Variants in ADAT1 observed in about 807,000 individuals in gnomAD.
ADAT1 encodes adenosine deaminase tRNA specific 1.
Under a neutral mutation model 58.6 loss-of-function variants are expected in ADAT1, and 58 were observed. The observed-to-expected ratio is 0.99, with a 90% CI of 0.80 to 1.23. ADAT1 has a LOEUF of 1.23. Among genes scored for constraint, ADAT1 ranks in the 50% most tolerant of loss-of-function variants. The pLI, the probability that ADAT1 is intolerant of heterozygous loss-of-function variation, is 0.00. For synonymous variants in ADAT1, 254 were observed against 220.8 expected, an observed-to-expected ratio of 1.15 and a Z score of -1.33; for missense variants, 741 against 608.6, an observed-to-expected ratio of 1.22 and a Z score of -2.29.
chr16:75,598,200 CT>C lies in ADAT1; in HGVS notation c.*2015del. 1 of 291,666 alleles carries C rather than the reference CT, an allele frequency of 3.4e-6. No individual in the cohort carries two copies. The highest frequency in any genetic ancestry group is 6.9e-6 in the Non-Finnish European group (1 of 145,690). 18.1% of individuals were successfully genotyped at this position (291,666 alleles called of 1,614,324 possible). On this transcript the variant is annotated 3_prime_UTR_variant, in exon 10 of 10. Transcript: ENST00000564657. ...TGAGAGATTCTTCTGCCTCAGCCTCCTGAGTAGTTGGGACTATAGGCGTGCG... is the reference window on the plus strand; with the variant it reads ...TGAGAGATTCTTCTGCCTCAGCCTCCGAGTAGTTGGGACTATAGGCGTGCG...
intron 5 of ADAT1, among the ~76,000 whole-genome samples, 178 bp from the exon 6 acceptor site, chr16:75,613,039 T>G (rs2081598320): frequency 1.3e-5 from 2 of 152,142 alleles, no homozygotes; most frequent in Admixed American, 1.3e-4. Flanking sequence ...GCTCTCCAGG[T>G]GATTCTGATG....
chr16:75,599,408 T>C lies in ADAT1; in HGVS notation c.*808A>G. The C allele has an allele frequency of 9.1e-6, 9 of 985,764 alleles. No individual in the cohort carries two copies. The highest frequency in any genetic ancestry group is 1.1e-5 in the Non-Finnish European group (9 of 829,928). 61.1% of individuals were successfully genotyped at this position (985,764 alleles called of 1,614,324 possible). A position where few individuals can be genotyped will look rare whatever the true frequency, so the allele number is the denominator to read the frequency against. On this transcript the variant is annotated 3_prime_UTR_variant, in exon 10 of 10. Transcript: ENST00000564657. ...CCTTTTGGCTTTTTGGACAGAACTC[T>C]TTCAATTGTAAGTCAGAAAACCAAC...
rs1597117265 is a variant in ADAT1 at position 75,612,155 on chromosome 16, G to T, written c.1043+88C>A. 5 of 1,399,922 alleles carry T rather than the reference G, an allele frequency of 3.6e-6. No individual in the cohort carries two copies. The East Asian group carries it at 9.3e-5, about 26-fold the overall frequency. The allele number at this position is 1,399,922 out of a possible 1,614,324, so 86.7% of individuals were successfully genotyped here. ...TGGAAGTGGAACTGCTGGATCAAAA[G>T]GTATGGAGATTCTTAATGCTCTTAG... On this transcript the variant is annotated intron_variant, in intron 6 of 9. Coordinates refer to ENST00000564657, the MANE Select transcript of ADAT1 (RefSeq NM_001324445.2).
chr16:75,602,387 TA>T (rs756385803), intron 9 of ADAT1, among the ~76,000 whole-genome samples: 2 of 152,362 alleles, frequency 1.3e-5, no homozygotes, highest in Non-Finnish European at 2.9e-5. Context: ...TTTTGGCTAG[TA>T]CTGATCTGTA....
intron 9 of ADAT1, 28 bp downstream of exon 9, chr16:75,603,057 A>G (rs2081270537): frequency 6.3e-7 from 1 of 1,597,710 alleles, no homozygotes; most frequent in Non-Finnish European, 8.6e-7. Context: ...CTACCTAAAT[A>G]TGAGAAAACA....
chr16:75,617,141 C>G lies in ADAT1; in HGVS notation c.424+1G>C. On this transcript the variant is annotated splice_donor_variant, in intron 5 of 9. Coordinates refer to ENST00000564657, the MANE Select transcript of ADAT1 (RefSeq NM_001324445.2). LOFTEE classifies it high-confidence loss of function. ...TAATCCAAAGGCTTGAATATACTTACAGGGTGTATGGCTGGAGAAAAACAC... is the reference window on the plus strand; with the variant it reads ...TAATCCAAAGGCTTGAATATACTTAGAGGGTGTATGGCTGGAGAAAAACAC... 1 of 1,611,124 alleles carries G rather than the reference C, an allele frequency of 6.2e-7. No homozygotes were observed. Among genetic ancestry groups the G allele is most frequent in the Non-Finnish European group, 8.5e-7 (1 of 1,177,762 alleles).
At chr16:75,616,746 T>C (rs1475526158) in intron 5 of ADAT1, among the ~76,000 whole-genome samples, 3 of 152,242 alleles carry the variant, frequency 2.0e-5, no homozygotes, top group Non-Finnish European at 4.4e-5. Context: ...CAGTATGTCA[T>C]ATCGTGCCTG....
At chr16:75,608,675 G>C (rs2081433891) in intron 7 of ADAT1, among the ~76,000 whole-genome samples, 168 bp downstream of exon 7, 1 of 152,124 alleles carries the variant, frequency 6.6e-6, no homozygotes, top group Non-Finnish European at 1.5e-5. Context: ...AACATGCCGG[G>C]GGTCACAAGA....
intron 5 of ADAT1, among the ~76,000 whole-genome samples, chr16:75,616,939 G>C (rs1473577721): frequency 1.3e-5 from 2 of 152,156 alleles, no homozygotes; most frequent in African/African-American, 2.4e-5. Flanking sequence ...CCTTGCCTCT[G>C]TCTTCTCTTT....
At chr16:75,617,043 C>G (rs543762780) in intron 5 of ADAT1, 99 bp downstream of exon 5, 3 of 1,441,230 alleles carry the variant, frequency 2.1e-6, no homozygotes, top group Non-Finnish European at 2.8e-6. Context: ...GTGGCTACTT[C>G]AGCCATTAGT....
Position 75,600,084 on chromosome 16 carries a change from A to G in ADAT1, c.*132T>C, listed in dbSNP as rs2081183482. The G allele has an allele frequency of 3.3e-6, 5 of 1,519,352 alleles. No individual in the cohort carries two copies. Among genetic ancestry groups the G allele is most frequent in the Admixed American group, 2.1e-5 (1 of 47,108 alleles). 94.1% of individuals were successfully genotyped at this position (1,519,352 alleles called of 1,614,324 possible). A position where few individuals can be genotyped will look rare whatever the true frequency, so the allele number is the denominator to read the frequency against. ...GCTCTAAGTTCCAGATTCCATCTGT[A>G]TTACACAACAGAGATGCAAAGCTCA... On this transcript the variant is annotated 3_prime_UTR_variant, in exon 10 of 10. Coordinates refer to ENST00000564657, the MANE Select transcript of ADAT1 (RefSeq NM_001324445.2).
chr16:75,614,826 G>T (rs2081651340), intron 5 of ADAT1, among the ~76,000 whole-genome samples: 1 of 152,152 alleles, frequency 6.6e-6, no homozygotes, highest in South Asian at 2.1e-4. Context: ...GACAAACCAT[G>T]GGAGGACATC....
At chr16:75,616,933 G>A (rs2081747424) in intron 5 of ADAT1, among the ~76,000 whole-genome samples, 1 of 152,142 alleles carries the variant, frequency 6.6e-6, no homozygotes, top group Admixed American at 6.5e-5. Flanking sequence ...TGCACCCCTT[G>A]CCTCTGTCTT....
intron 3 of ADAT1, 51 bp downstream of exon 3, chr16:75,620,215 T>C (rs1471755192): frequency 3.8e-6 from 6 of 1,580,214 alleles, no homozygotes; most frequent in Non-Finnish European, 5.2e-6. Context: ...GAGTAAAACA[T>C]GGACACTGGT....
At chr16:75,611,146 T>TTTA (rs2081519789) in intron 6 of ADAT1, among the ~76,000 whole-genome samples, 2 of 152,120 alleles carry the variant, frequency 1.3e-5, no homozygotes, top group African/African-American at 2.4e-5. Context: ...CCCAAACTAA[T>TTTA]GTTTAGGGTT....
In ADAT1 at chr16:75,599,417, T is replaced by C. The variant is rs1232628997; in HGVS notation, c.*799A>G. On this transcript the variant is annotated 3_prime_UTR_variant, in exon 10 of 10. Coordinates refer to ENST00000564657, the MANE Select transcript of ADAT1 (RefSeq NM_001324445.2). ...TTTTTGGACAGAACTCTTTCAATTG[T>C]AAGTCAGAAAACCAACACAAACAGG... The C allele has an allele frequency of 1.0e-6, 1 of 985,714 alleles. No homozygotes were observed. The highest frequency in any genetic ancestry group is 1.2e-6 in the Non-Finnish European group (1 of 829,962). 61.1% of individuals were successfully genotyped at this position (985,714 alleles called of 1,614,324 possible).
chr16:75,621,496 A>C (rs1455352767), intron 1 of ADAT1, among the ~76,000 whole-genome samples: 1 of 152,136 alleles, frequency 6.6e-6, no homozygotes, highest in African/African-American at 2.4e-5. Context: ...TAGTGATAAC[A>C]ATAGTATCTA....
Position 75,600,189 on chromosome 16 carries a change from C to T in ADAT1, c.*27G>A. The T allele has an allele frequency of 6.2e-7, 1 of 1,613,384 alleles. No individual in the cohort carries two copies. On this transcript the variant is annotated 3_prime_UTR_variant, in exon 10 of 10. Transcript: ENST00000564657. The stretch of plus-strand genomic sequence containing the variant: ...AGGAAGGCAGTTCAGGATGAAGGGT[C>T]CTGCTACCAGAGCAAACATTTCCTT...
chr16:75,608,407 C>A, intron 7 of ADAT1, 84 bp from the exon 8 acceptor site: 1 of 1,184,386 alleles, frequency 8.4e-7, no homozygotes, highest in East Asian at 2.4e-5. Context: ...ATTTCTCTGA[C>A]TCTACAGACC....
Sources: gnomAD v4.1 joint callset for allele counts (sites outside exome capture counted in the v4.1 genomes callset) on GRCh38, gnomAD v4.1.1 for gene constraint, MANE v1.5 for transcripts, NCBI Gene and HGNC (gene_info 2026-07-23, HGNC 2026-07-21) for gene names.